Variants in TTLL7 observed in about 807,000 individuals in gnomAD.
The protein encoded by TTLL7 is tubulin polyglutamylase TTLL7.
A neutral mutation model predicts 120.2 loss-of-function variants in TTLL7; 53 were observed. That is an observed-to-expected ratio of 0.44 (90% CI 0.35 to 0.55). The LOEUF is 0.55. Among genes scored for constraint, TTLL7 ranks in the 20% least tolerant of loss-of-function variants. The pLI is 0.00. For synonymous variants in TTLL7, 353 were observed against 351.7 expected (o/e 1.00, Z -0.04); for missense variants, 803 against 1,054.7 (o/e 0.76, Z 3.31).
intron 1 of TTLL7, among the ~76,000 whole-genome samples, chr1:83,953,754 A>T (rs1649275578): frequency 6.6e-6 from 1 of 152,198 alleles, no homozygotes; most frequent in African/African-American, 2.4e-5. Flanking sequence ...GAAAACTTAG[A>T]CTTTAAACCC....
At chr1:83,937,002 G>A (rs1319354100) in intron 8 of TTLL7, among the ~76,000 whole-genome samples, 2 of 152,004 alleles carry the variant, frequency 1.3e-5, no homozygotes, top group South Asian at 4.1e-4. Context: ...GTGATATATA[G>A]AAAGTAAGAT....
chr1:83,933,814 C>T (rs1175920367), intron 8 of TTLL7, 48 bp from the exon 9 acceptor site: 2 of 1,565,182 alleles, frequency 1.3e-6, no homozygotes. Flanking sequence ...TATCTCATTT[C>T]ATATGTGCAA....
At chr1:83,924,175 AG>A (rs1658916542) in intron 10 of TTLL7, among the ~76,000 whole-genome samples, 1 of 152,164 alleles carries the variant, frequency 6.6e-6, no homozygotes, top group Non-Finnish European at 1.5e-5. Context: ...AAATAAAGGA[AG>A]TGGGAGCAAT....
At chr1:83,919,123 C>G (rs1432238083) in intron 13 of TTLL7, among the ~76,000 whole-genome samples, 5 of 151,956 alleles carry the variant, frequency 3.3e-5, no homozygotes, top group African/African-American at 1.2e-4. Flanking sequence ...CTATATGATT[C>G]ACCCCAGGAA....
chr1:83,927,991 C>A (rs1326487422), intron 10 of TTLL7, among the ~76,000 whole-genome samples: 1 of 152,126 alleles, frequency 6.6e-6, no homozygotes, highest in Non-Finnish European at 1.5e-5. Context: ...TGGAACAACA[C>A]TAAGAAAGAT....
intron 9 of TTLL7, among the ~76,000 whole-genome samples, chr1:83,930,163 C>T (rs191675338): frequency 5.3e-4 from 80 of 152,184 alleles, no homozygotes; most frequent in African/African-American, 1.9e-3. Context: ...CACTTAGTGT[C>T]GTGTTAACCG....
At chr1:83,898,229 A>G (rs1047587486) in intron 18 of TTLL7, among the ~76,000 whole-genome samples, 1 of 152,026 alleles carries the variant, frequency 6.6e-6, no homozygotes, top group Non-Finnish European at 1.5e-5. Flanking sequence ...TATATTCTAT[A>G]CAAAAGAATA....
intron 1 of TTLL7, among the ~76,000 whole-genome samples, chr1:83,976,033 C>CTCTCTCTGTG (rs1241354482): frequency 8.7e-4 from 129 of 147,926 alleles, no homozygotes; most frequent in African/African-American, 3.0e-3. Flanking sequence ...TTGTCTCTCT[C>CTCTCTCTGTG]TGTGTGTGTG....
intron 10 of TTLL7, among the ~76,000 whole-genome samples, chr1:83,926,680 T>C (rs1397922330): frequency 1.3e-5 from 2 of 152,200 alleles, no homozygotes; most frequent in Non-Finnish European, 2.9e-5. Flanking sequence ...AGGGTAGCAT[T>C]AAATGCTCAT....
At chr1:83,930,861 CCTT>C (rs1557669112) in intron 9 of TTLL7, among the ~76,000 whole-genome samples, 1 of 152,028 alleles carries the variant, frequency 6.6e-6, no homozygotes, top group African/African-American at 2.4e-5. Context: ...CTCTCTCTCT[CCTT>C]ACCTATTTCA....
chr1:83,986,122 C>A lies in TTLL7; in HGVS notation c.-177+12809G>T, dbSNP rs553746208. 3.9e-5 allele frequency among the ~76,000 whole-genome samples: 6 copies of A among 152,052 alleles called. No homozygotes were observed. In the South Asian group the frequency reaches 1.2e-3, roughly 32 times the overall value. ...AGCACCAGAAAAAGAAACTACAGAC[C>A]AATATATTTCATTCACTTAGATGCA... is the stretch of plus-strand genomic sequence containing the variant. On this transcript the variant is annotated intron_variant, in intron 1 of 20. Transcript: ENST00000260505.
At chr1:83,924,126 A>G (rs1483995374) in intron 10 of TTLL7, among the ~76,000 whole-genome samples, 1 of 152,172 alleles carries the variant, frequency 6.6e-6, no homozygotes, top group Non-Finnish European at 1.5e-5. Context: ...GGGGATACAA[A>G]AAGAACCAGA....
chr1:83,915,714 A>C (rs1243470578), intron 14 of TTLL7, among the ~76,000 whole-genome samples: 2 of 151,968 alleles, frequency 1.3e-5, no homozygotes, highest in African/African-American at 4.8e-5. Context: ...CAACCTACAG[A>C]ATGGGAGAAA....
At chr1:83,892,135 C>T (rs769608018) in intron 18 of TTLL7, among the ~76,000 whole-genome samples, 7 of 150,940 alleles carry the variant, frequency 4.6e-5, no homozygotes, top group East Asian at 2.0e-4. Context: ...GGCCATGATA[C>T]GCTTGTAATA....
chr1:83,911,457 C>T, intron 14 of TTLL7, 94 bp from the exon 15 acceptor site: 1 of 961,450 alleles, frequency 1.0e-6, no homozygotes, highest in Non-Finnish European at 1.5e-6. Context: ...CCTATGCTTG[C>T]TGCTTTTTAC....
chr1:83,898,041 A>AT (rs1210849353), intron 18 of TTLL7, among the ~76,000 whole-genome samples: 1 of 151,870 alleles, frequency 6.6e-6, no homozygotes, highest in Non-Finnish European at 1.5e-5. Context: ...TTCTAAACAG[A>AT]TACATTTTTG....
intron 1 of TTLL7, among the ~76,000 whole-genome samples, chr1:83,995,745 TTC>T (rs1653419922): frequency 6.6e-6 from 1 of 152,140 alleles, no homozygotes; most frequent in South Asian, 2.1e-4. Flanking sequence ...GAAATTTTAT[TTC>T]TGAGACTCTA....
chr1:83,908,311 A>T (rs1359521829), intron 15 of TTLL7, among the ~76,000 whole-genome samples: 1 of 144,944 alleles, frequency 6.9e-6, no homozygotes, highest in Non-Finnish European at 1.5e-5. Context: ...TAAGTTATAG[A>T]ATTTAGAAGC....
chr1:83,974,153 C>T (rs1474073243), intron 1 of TTLL7, among the ~76,000 whole-genome samples: 1 of 151,918 alleles, frequency 6.6e-6, no homozygotes, highest in Non-Finnish European at 1.5e-5. Flanking sequence ...AGGCATTTCA[C>T]CTAAACAAAG....
Sources: gnomAD v4.1 joint callset for allele counts (sites outside exome capture counted in the v4.1 genomes callset) on GRCh38, gnomAD v4.1.1 for gene constraint, MANE v1.5 for transcripts, NCBI Gene and HGNC (gene_info 2026-07-23, HGNC 2026-07-21) for gene names.